Variants in FLNB observed in about 807,000 individuals in gnomAD.
FLNB encodes filamin-B.
Under a neutral mutation model 250.6 loss-of-function variants are expected in FLNB, and 111 were observed. The ratio of observed to expected loss-of-function variants is 0.44; its 90% CI spans 0.38 to 0.52. The LOEUF (loss-of-function observed/expected upper bound fraction) is 0.52, where lower values mean the gene tolerates loss of function less well. Among genes scored for constraint, FLNB ranks in the 20% least tolerant of loss-of-function variants. The probability of loss-of-function intolerance (pLI) is 0.00; values close to 1 mark genes in which losing one functional copy is unlikely to be tolerated. For synonymous variants in FLNB, 1,302 were observed against 1,372.1 expected (o/e 0.95, Z 1.13); for missense variants, 2,869 against 3,447.8 (o/e 0.83, Z 4.20).
rs564793528 is a variant in FLNB, at chr3:58,064,873, C to T, written c.293-12173C>T. Reference sequence around the variant, plus strand: ...CCCCGCCACACACACACCACACAGACACACAGACACACACACACTGGCTAG... The same window carrying T: ...CCCCGCCACACACACACCACACAGATACACAGACACACACACACTGGCTAG... On this transcript the variant is annotated intron_variant, in intron 1 of 45. Coordinates refer to ENST00000295956, the MANE Select transcript of FLNB (RefSeq NM_001457.4). Among the ~76,000 whole-genome samples, 7 of 152,236 alleles carry T rather than the reference C, an allele frequency of 4.6e-5. No individual in the cohort carries two copies. The South Asian group carries it at 8.3e-4, about 18-fold the overall frequency.
At chr3:58,069,471 C>T (rs1313536980) in intron 1 of FLNB, among the ~76,000 whole-genome samples, 1 of 152,028 alleles carries the variant, frequency 6.6e-6, no homozygotes. Context: ...GAACTCGTGA[C>T]CTCAGGAGGT....
intron 4 of FLNB, among the ~76,000 whole-genome samples, chr3:58,083,271 T>C (rs2097211865): frequency 6.6e-6 from 1 of 151,650 alleles, no homozygotes; most frequent in Admixed American, 6.6e-5. Context: ...TGACACTGAC[T>C]TTCTGAATAG....
At chr3:58,107,433 A>G (rs1180504480) in intron 12 of FLNB, among the ~76,000 whole-genome samples, 1 of 152,148 alleles carries the variant, frequency 6.6e-6, no homozygotes, top group Admixed American at 6.5e-5. Flanking sequence ...ATAAGACAGG[A>G]ATGATAGTAG....
At chr3:58,037,280 G>A (rs1254676987) in intron 1 of FLNB, among the ~76,000 whole-genome samples, 1 of 152,112 alleles carries the variant, frequency 6.6e-6, no homozygotes, top group Non-Finnish European at 1.5e-5. Flanking sequence ...GGCCAGGCTT[G>A]TCTGGAACTC....
At chr3:58,035,786 G>T (rs2097137242) in intron 1 of FLNB, among the ~76,000 whole-genome samples, 1 of 152,188 alleles carries the variant, frequency 6.6e-6, no homozygotes, top group South Asian at 2.1e-4. Flanking sequence ...CTTGATCACG[G>T]CCTTAGCTAA....
intron 1 of FLNB, among the ~76,000 whole-genome samples, chr3:58,049,258 G>A (rs1039838283): frequency 9.2e-5 from 14 of 152,088 alleles, no homozygotes; most frequent in African/African-American, 2.7e-4. Flanking sequence ...CCGCCTTCTC[G>A]GGGATGGCCA....
At chr3:58,103,862 G>A in intron 9 of FLNB, 97 bp from the exon 10 acceptor site, 4 of 1,453,072 alleles carry the variant, frequency 2.8e-6, no homozygotes, top group Non-Finnish European at 1.9e-6. Context: ...TATGGTTTAT[G>A]TTTTGTTCAG....
At position 58,168,432 on chromosome 3, in the gene FLNB, T is replaced by C. The variant is rs1353707425; in HGVS notation, c.7199-8T>C. The C allele has an allele frequency of 9.9e-6, 16 of 1,609,026 alleles. No homozygotes were observed. The highest frequency in any genetic ancestry group is 1.0e-5 in the Non-Finnish European group (12 of 1,175,444). ...ATCAACACAGCATTTTCTATTCCTT[T>C]CTCCCAGGTATCCAGTCGGAATTCT... On this transcript the variant is annotated splice_region_variant and splice_polypyrimidine_tract_variant and intron_variant, in intron 43 of 45. Transcript: ENST00000295956.
In FLNB at chr3:58,148,848, T is replaced by C; in HGVS notation, c.6087T>C (p.Asp2029=). 1 of 1,611,770 alleles carries C rather than the reference T, an allele frequency of 6.2e-7. No individual in the cohort carries two copies. Among genetic ancestry groups the C allele is most frequent in the Non-Finnish European group, 8.5e-7 (1 of 1,179,860 alleles). The part of the protein sequence containing the change: ...EMSDFIVDTR[D]AGYGGISLAV... The stretch of plus-strand genomic sequence containing the variant: ...CTGACTTCATCGTGGACACAAGGGA[T>C]GCAGGTCTGTGTGGTCCCAGGGGAG... Residue 2029 remains aspartate (D), a synonymous_variant, in exon 36 of 46, where the codon GAT becomes GAC. Transcript: ENST00000295956.
chr3:58,033,398 G>T (rs80281396), intron 1 of FLNB, among the ~76,000 whole-genome samples: 935 of 15,056 alleles, frequency 0.062, 6 homozygotes, highest in African/African-American at 0.26. Context: ...ATGCTGTTTT[G>T]TTTTTTTTTG....
intron 1 of FLNB, among the ~76,000 whole-genome samples, chr3:58,046,715 T>G (rs1156684292): frequency 6.6e-6 from 1 of 152,212 alleles, no homozygotes; most frequent in Non-Finnish European, 1.5e-5. Context: ...ATTACAGGTG[T>G]GAGCCACTGT....
chr3:58,053,694 C>A (rs563163590), intron 1 of FLNB, among the ~76,000 whole-genome samples: 34 of 152,196 alleles, frequency 2.2e-4, no homozygotes, highest in African/African-American at 7.9e-4. Flanking sequence ...TATCTCCTGA[C>A]CTTGTGATCT....
chr3:58,097,520 A>G (rs1421243037), intron 6 of FLNB, among the ~76,000 whole-genome samples: 3 of 152,212 alleles, frequency 2.0e-5, no homozygotes, highest in Non-Finnish European at 2.9e-5. Context: ...AAAGGACTCA[A>G]TGTCCAGAGA....
In FLNB at chr3:58,126,692, T is replaced by C. The variant is rs1358460919; in HGVS notation, c.4152T>C (p.Ser1384=). The C allele has an allele frequency of 6.2e-7, 1 of 1,614,014 alleles. No individual in the cohort carries two copies. ...GAGACAACAAGGATGGCAGCTGCAGTGCTGAGTACATTCCTTTCGCACCGG... is the reference window on the plus strand; with the variant it reads ...GAGACAACAAGGATGGCAGCTGCAGCGCTGAGTACATTCCTTTCGCACCGG... ...NCRDNKDGSC[S]AEYIPFAPGD... Residue 1384 remains serine (S), a synonymous_variant, in exon 24 of 46, where the codon AGT becomes AGC. Transcript: ENST00000295956.
At position 58,143,510 on chromosome 3, in the gene FLNB, TGA is replaced by T; in HGVS notation, c.5325_5326del (p.Glu1775AspfsTer12). 1.2e-6 allele frequency: 2 copies of T among 1,614,094 alleles called. No individual in the cohort carries two copies. The highest frequency in any genetic ancestry group is 1.7e-6 in the Non-Finnish European group (2 of 1,179,976). Reference sequence around the variant, plus strand: ...TGCCTTCTGGGAAGACAGCCACACCTGAGATTGTGGACAACAAGGACGGCACG... The same window carrying T: ...TGCCTTCTGGGAAGACAGCCACACCTGATTGTGGACAACAAGGACGGCACG... The part of the protein sequence containing the change: ...HMPSGKTATP[E>X]IVDNKDGTVT... On this transcript the variant is annotated frameshift_variant, in exon 32 of 46. Coordinates refer to ENST00000295956, the MANE Select transcript of FLNB (RefSeq NM_001457.4). LOFTEE classifies it high-confidence loss of function.
Position 58,118,879 on chromosome 3 carries a change from T to G in FLNB, c.2753T>G (p.Met918Arg). The G allele has an allele frequency of 6.2e-7, 1 of 1,613,710 alleles. No homozygotes were observed. Among genetic ancestry groups the G allele is most frequent in the Non-Finnish European group, 8.5e-7 (1 of 1,179,648 alleles). Residue 918 changes from methionine to arginine, a missense_variant, in exon 19 of 46, where the codon ATG (methionine) becomes AGG (arginine). Coordinates refer to ENST00000295956, the MANE Select transcript of FLNB (RefSeq NM_001457.4). The stretch of plus-strand genomic sequence containing the variant: ...TTTTCTCTCTTGTTCCAGGGCAACA[T>G]GCAGGTTCTGGTGACTTACGGTGGC... ...VKYTPTQQGN[M>R]QVLVTYGGDP...
At chr3:58,056,099 TTA>T (rs1465669334) in intron 1 of FLNB, among the ~76,000 whole-genome samples, 4 of 132,462 alleles carry the variant, frequency 3.0e-5, no homozygotes, top group East Asian at 3.9e-4. Flanking sequence ...ATTTATTTAT[TTA>T]TTTATTTTTT....
At chr3:58,027,214 G>A (rs62260585) in intron 1 of FLNB, among the ~76,000 whole-genome samples, 1 of 151,548 alleles carries the variant, frequency 6.6e-6, no homozygotes, top group Non-Finnish European at 1.5e-5. Context: ...GTGCAGTGGC[G>A]CGATCTCGGC....
intron 1 of FLNB, among the ~76,000 whole-genome samples, chr3:58,025,935 C>CA (rs2097123024): frequency 6.6e-6 from 1 of 152,098 alleles, no homozygotes; most frequent in Non-Finnish European, 1.5e-5. Flanking sequence ...AACAAACAAA[C>CA]AAAAAATGTT....
Sources: allele counts gnomAD v4.1 joint callset (sites outside exome capture counted in the v4.1 genomes callset), GRCh38; gene constraint gnomAD v4.1.1; transcripts MANE v1.5; gene names NCBI Gene and HGNC (gene_info 2026-07-23, HGNC 2026-07-21).